LRMDA: variants seen among roughly 807,000 people sequenced by gnomAD.
LRMDA encodes the protein leucine-rich melanocyte differentiation-associated protein.
A neutral mutation model predicts 29.8 loss-of-function variants in LRMDA; 18 were observed. The observed-to-expected ratio is 0.60, with a 90% CI of 0.42 to 0.90. The LOEUF is 0.90. LRMDA is among the 40% of genes least tolerant of loss of function. The pLI, the probability that LRMDA is intolerant of heterozygous loss-of-function variation, is 0.00. For synonymous variants in LRMDA, 125 were observed against 109.4 expected (o/e 1.14, Z -0.89); for missense variants, 273 against 273.9 (o/e 1.00, Z 0.02).
At chr10:75,787,910 T>A (rs1401396064) in intron 2 of LRMDA, among the ~76,000 whole-genome samples, 1 of 152,200 alleles carries the variant, frequency 6.6e-6, no homozygotes, top group Non-Finnish European at 1.5e-5. Context: ...GCACCTGTAG[T>A]CCCAGCTACT....
In LRMDA at chr10:75,977,906, G is replaced by A. The variant is rs149814591; in HGVS notation, c.132-58102G>A. ...TTAACCTCTCTGTGCCTCAGTTTCC[G>A]CATCTGTGGAGATAATGGTCATAAT... is the stretch of plus-strand genomic sequence containing the variant. On this transcript the variant is annotated intron_variant, in intron 2 of 6. Transcript: ENST00000611255. Among the ~76,000 whole-genome samples, 429 of 129,898 alleles carry A rather than the reference G, an allele frequency of 3.3e-3. 2 individuals carry two copies. The highest frequency in any genetic ancestry group is 0.014 in the African/African-American group (409 of 29,832). 85.2% of individuals were successfully genotyped at this position (129,898 alleles called of 152,430 possible).
chr10:75,706,845 C>A (rs543695128), intron 2 of LRMDA, among the ~76,000 whole-genome samples: 26 of 151,710 alleles, frequency 1.7e-4, no homozygotes, highest in African/African-American at 5.8e-4. Context: ...CTGCCATGCA[C>A]CCTTTGTCTA....
intron 2 of LRMDA, among the ~76,000 whole-genome samples, chr10:75,828,274 A>T (rs1440484452): frequency 6.6e-6 from 1 of 152,144 alleles, no homozygotes; most frequent in African/African-American, 2.4e-5. Context: ...CTGCATAAAT[A>T]TTATCATTTT....
chr10:76,392,863 C>T (rs4114990), intron 6 of LRMDA, among the ~76,000 whole-genome samples: 32,158 of 151,778 alleles, frequency 0.21, 6,903 homozygotes, highest in African/African-American at 0.55. Context: ...CAGCAGTCCC[C>T]AGTAACCACC....
intron 2 of LRMDA, among the ~76,000 whole-genome samples, chr10:75,877,792 AT>A (rs1845224680): frequency 6.6e-6 from 1 of 152,116 alleles, no homozygotes; most frequent in Non-Finnish European, 1.5e-5. Flanking sequence ...TCCTGTCCCA[AT>A]TTTCCTGTGA....
rs182117712 is a variant in LRMDA at position 76,261,128 on chromosome 10, G to A, written c.517-63273G>A. Among the ~76,000 whole-genome samples, 518 of 142,280 alleles carry A rather than the reference G, an allele frequency of 3.6e-3. 1 individual carries two copies. The highest frequency in any genetic ancestry group is 0.011 in the African/African-American group (432 of 37,678). The allele number at this position is 142,280 out of a possible 152,430, so 93.3% of individuals were successfully genotyped here. ...TGCCCAGGCTGGAATGCAGTGGTGC[G>A]ATCTCAGCTAACTGCAAACTCCACC... is the stretch of plus-strand genomic sequence containing the variant. On this transcript the variant is annotated intron_variant, in intron 5 of 6. Transcript: ENST00000611255.
At chr10:76,009,743 C>T (rs768842732) in intron 2 of LRMDA, among the ~76,000 whole-genome samples, 1 of 152,102 alleles carries the variant, frequency 6.6e-6, no homozygotes, top group African/African-American at 2.4e-5. Flanking sequence ...CCTCCGCAGC[C>T]GCTCCCTGAA....
At chr10:76,200,862 T>C (rs11001681) in intron 5 of LRMDA, among the ~76,000 whole-genome samples, 40,149 of 147,866 alleles carry the variant, frequency 0.27, 6,187 homozygotes, top group East Asian at 0.61. Context: ...GGATTACAGG[T>C]GCCTGCCACC....
chr10:75,684,407 C>T (rs1023309309), intron 2 of LRMDA, among the ~76,000 whole-genome samples: 1 of 152,178 alleles, frequency 6.6e-6, no homozygotes, highest in Non-Finnish European at 1.5e-5. Context: ...CCTTTGGGGC[C>T]ATTTCAGAGT....
At chr10:75,779,070 G>C (rs898572799) in intron 2 of LRMDA, among the ~76,000 whole-genome samples, 3 of 152,144 alleles carry the variant, frequency 2.0e-5, no homozygotes, top group Admixed American at 1.3e-4. Flanking sequence ...AGGAGAGCTA[G>C]GGTTCTGTGA....
intron 2 of LRMDA, among the ~76,000 whole-genome samples, chr10:75,560,839 T>C (rs576438548): frequency 1.3e-5 from 2 of 152,312 alleles, no homozygotes; most frequent in African/African-American, 4.8e-5. Flanking sequence ...ATTACATTTA[T>C]TGATTTGCGT....
chr10:76,499,233 A>G (rs1339367246), intron 6 of LRMDA, among the ~76,000 whole-genome samples: 1 of 74,804 alleles, frequency 1.3e-5, no homozygotes, highest in Non-Finnish European at 4.4e-5. Context: ...GCCCTATATC[A>G]TGAGCTGTCA....
chr10:76,520,223 T>A (rs1843104696), intron 6 of LRMDA, among the ~76,000 whole-genome samples: 1 of 152,054 alleles, frequency 6.6e-6, no homozygotes, highest in African/African-American at 2.4e-5. Context: ...TGTGATAGAA[T>A]CTTGTTCTTT....
intron 2 of LRMDA, among the ~76,000 whole-genome samples, chr10:75,963,966 C>A (rs1846812926): frequency 6.6e-6 from 1 of 152,158 alleles, no homozygotes; most frequent in Non-Finnish European, 1.5e-5. Flanking sequence ...ATTTTATTTT[C>A]TGGTGATGCA....
intron 2 of LRMDA, among the ~76,000 whole-genome samples, chr10:75,603,470 T>C (rs1164556525): frequency 6.6e-6 from 1 of 152,176 alleles, no homozygotes; most frequent in Non-Finnish European, 1.5e-5. Flanking sequence ...TCTAATATCA[T>C]ATAAAGCACT....
At chr10:76,128,292 G>T (rs1372607030) in intron 5 of LRMDA, among the ~76,000 whole-genome samples, 1 of 152,192 alleles carries the variant, frequency 6.6e-6, no homozygotes, top group Non-Finnish European at 1.5e-5. Context: ...CAAGTCCGCC[G>T]CAGTGTTCCT....
chr10:76,374,164 A>G (rs1454189854), intron 6 of LRMDA, among the ~76,000 whole-genome samples: 1 of 152,188 alleles, frequency 6.6e-6, no homozygotes, highest in African/African-American at 2.4e-5. Flanking sequence ...ATGAAACTCA[A>G]GTGTACACCA....
At chr10:76,381,626 G>A (rs571194842) in intron 6 of LRMDA, among the ~76,000 whole-genome samples, 20 of 152,088 alleles carry the variant, frequency 1.3e-4, no homozygotes, top group South Asian at 2.1e-4. Context: ...AAGCATCTCC[G>A]TGCTTACAAA....
intron 6 of LRMDA, among the ~76,000 whole-genome samples, chr10:76,443,350 G>A (rs1472779562): frequency 1.3e-5 from 2 of 152,108 alleles, no homozygotes; most frequent in Non-Finnish European, 2.9e-5. Context: ...ATCCACTACC[G>A]GCTCTTGACT....
Sources: gnomAD v4.1 joint callset for allele counts (sites outside exome capture counted in the v4.1 genomes callset) on GRCh38, gnomAD v4.1.1 for gene constraint, MANE v1.5 for transcripts, NCBI Gene and HGNC (gene_info 2026-07-23, HGNC 2026-07-21) for gene names.